RNF123: variants seen among roughly 807,000 people sequenced by gnomAD.
RNF123 encodes the protein ring finger protein 123.
In RNF123, 86 loss-of-function variants were observed where a neutral mutation model predicts 168.5. That is an observed-to-expected ratio of 0.51 (90% confidence interval 0.43 to 0.61). The LOEUF (loss-of-function observed/expected upper bound fraction) is 0.61. Among genes scored for constraint, RNF123 ranks in the 20% least tolerant of loss-of-function variants. The probability of loss-of-function intolerance (pLI) is 0.00; values close to 1 mark genes in which losing one functional copy is unlikely to be tolerated. For missense variants in RNF123, 1,419 were observed against 1,729.7 expected (o/e 0.82, Z 3.19); for synonymous variants, 666 against 689.1 (o/e 0.97, Z 0.52).
chr3:49,704,984 C>G lies in RNF123; in HGVS notation c.1960C>G (p.Arg654Gly), dbSNP rs151244822. ...DEEPAPAMAQ[R>G]PMQALAVGGP... ...TCCTGGCCGCCTTTCTTCACTGCAG[C>G]GCCCCATGCAGGCCCTGGCTGTTGG... Residue 654 changes from arginine (R) to glycine (G), a missense_variant and splice_region_variant, in exon 23 of 39, where the codon CGC (arginine) becomes GGC (glycine). Physicochemically the swap from Arg to Gly is moderately radical, Grantham distance 125 (BLOSUM62 -2). Coordinates refer to ENST00000327697, the MANE Select transcript of RNF123 (RefSeq NM_022064.5). 6.2e-7 allele frequency: 1 copy of G among 1,601,396 alleles called. No homozygotes were observed. Among genetic ancestry groups the G allele is most frequent in the African/African-American group, 1.3e-5 (1 of 74,708 alleles).
chr3:49,718,205 G>C (rs763204310), intron 35 of RNF123: 5 of 1,612,430 alleles, frequency 3.1e-6, no homozygotes, highest in Non-Finnish European at 4.2e-6. Flanking sequence ...CTGGGTGTTT[G>C]GGGCCAGCGG....
At chr3:49,703,653 A>T (rs2054454865) in intron 21 of RNF123, 125 bp downstream of exon 21, 2 of 695,502 alleles carry the variant, frequency 2.9e-6, no homozygotes, top group East Asian at 5.8e-5. Context: ...CTTTCCACCC[A>T]CTCAGGCAGG....
intron 15 of RNF123, 117 bp downstream of exon 15, chr3:49,700,826 A>G: frequency 9.1e-7 from 1 of 1,093,388 alleles, no homozygotes. Flanking sequence ...GGAGGACCAG[A>G]GCTGCCCAAC....
At position 49,713,989 on chromosome 3, in the gene RNF123, C is replaced by T; in HGVS notation, c.2917C>T (p.Leu973Phe). ...WAQTNWILVR[L>F]WRGCGFGYRY... ...CCAGACCAACTGGATCCTGGTGCGG[C>T]TCTGGAGGGTAAGCCTGACTCGAGG... Residue 973 changes from leucine to phenylalanine, a missense_variant, in exon 30 of 39, where the codon CTC becomes TTC. Physicochemically the swap from Leu to Phe is conservative, Grantham distance 22. Transcript: ENST00000327697. 5 of 1,614,082 alleles carry T rather than the reference C, an allele frequency of 3.1e-6. No homozygotes were observed. The highest frequency in any genetic ancestry group is 4.2e-6 in the Non-Finnish European group (5 of 1,180,008).
intron 26 of RNF123, among the ~76,000 whole-genome samples, chr3:49,709,561 A>G (rs572346038): frequency 6.6e-5 from 10 of 151,818 alleles, no homozygotes; most frequent in Non-Finnish European, 1.5e-4. Flanking sequence ...CGGCCTCCCA[A>G]AGTGCTGGGA....
chr3:49,717,900 C>CA, intron 35 of RNF123: 1 of 1,558,068 alleles, frequency 6.4e-7, no homozygotes, highest in Non-Finnish European at 8.7e-7. Flanking sequence ...AAGCAGGGAG[C>CA]AGGGCGAGCA....
intron 3 of RNF123, among the ~76,000 whole-genome samples, chr3:49,692,321 C>T (rs2054183082): frequency 6.6e-6 from 1 of 152,114 alleles, no homozygotes; most frequent in Admixed American, 6.5e-5. Flanking sequence ...TTTTCTGTTT[C>T]TTTCTTTGTG....
At chr3:49,703,277 C>A in intron 20 of RNF123, 150 bp from the exon 21 acceptor site, 1 of 648,834 alleles carries the variant, frequency 1.5e-6, no homozygotes, top group Non-Finnish European at 2.8e-6. Flanking sequence ...GTTTCTTGGT[C>A]CAGGAGACAG....
At chr3:49,713,689 G>A (rs762241982) in intron 28 of RNF123, 49 bp from the exon 29 acceptor site, 7 of 1,572,274 alleles carry the variant, frequency 4.5e-6, no homozygotes, top group Non-Finnish European at 5.2e-6. Flanking sequence ...TGAAGTATGG[G>A]TCCAGGGCTC....
At chr3:49,694,652 T>G (rs887954660) in intron 3 of RNF123, among the ~76,000 whole-genome samples, 4 of 152,232 alleles carry the variant, frequency 2.6e-5, no homozygotes, top group Admixed American at 2.0e-4. Flanking sequence ...CTCATCAGCC[T>G]TAGCTGTTCT....
chr3:49,719,599 G>T, intron 35 of RNF123: 1 of 743,070 alleles, frequency 1.3e-6, no homozygotes, highest in Non-Finnish European at 2.2e-6. Flanking sequence ...GTTCTTGCCA[G>T]CCGACGGCCC....
Position 49,705,983 on chromosome 3 carries a change from TG to T in RNF123, c.2308del (p.Val770TrpfsTer14). 6.2e-7 allele frequency: 1 copy of T among 1,613,276 alleles called. No homozygotes were observed. The highest frequency in any genetic ancestry group is 8.5e-7 in the Non-Finnish European group (1 of 1,179,760). On this transcript the variant is annotated frameshift_variant and splice_region_variant, in exon 25 of 39. Transcript: ENST00000327697. LOFTEE classifies it high-confidence loss of function. ...NLSVHQQLGK[M>X]VGVSDDVNEY... is the part of the protein sequence containing the mutation. Reference sequence around the variant, plus strand: ...GACATGTGGTCCCATGCTGTGTAGATGGTGGGTGTCTCCGATGATGTCAATG... The same window carrying T: ...GACATGTGGTCCCATGCTGTGTAGATGTGGGTGTCTCCGATGATGTCAATG...
Position 49,721,305 on chromosome 3 carries a change from G to A in RNF123, c.3945G>A (p.Ter1315=), listed in dbSNP as rs948270095. 1 of 1,614,170 alleles carries A rather than the reference G, an allele frequency of 6.2e-7. No homozygotes were observed. Among genetic ancestry groups the A allele is most frequent in the Non-Finnish European group, 8.5e-7 (1 of 1,180,014 alleles). Residue 1315 remains the stop codon, a stop_retained_variant, in exon 39 of 39, where the codon TAG becomes TAA. Transcript: ENST00000327697. ...CGAGTACTACCTCCTCAGCTGCCTA[G>A]CCCTCACAGCCTGTGCCATCCTGGA... ...ANTSTTSSAA[*]
At chr3:49,712,081 C>G (rs538182162) in intron 26 of RNF123, among the ~76,000 whole-genome samples, 2 of 151,988 alleles carry the variant, frequency 1.3e-5, no homozygotes, top group African/African-American at 4.8e-5. Flanking sequence ...AAAAATTAGC[C>G]GAGCGCGGTA....
At chr3:49,718,140 G>A (rs1398949421) in intron 35 of RNF123, 5 of 1,613,286 alleles carry the variant, frequency 3.1e-6, no homozygotes, top group Non-Finnish European at 4.2e-6. Flanking sequence ...GGCTGGGTGC[G>A]TCTGGCGGTG....
At chr3:49,703,328 A>C in intron 20 of RNF123, 99 bp from the exon 21 acceptor site, 2 of 964,254 alleles carry the variant, frequency 2.1e-6, no homozygotes, top group Non-Finnish European at 3.2e-6. Context: ...CAAAGCCAGA[A>C]TTCCCAGGCT....
At chr3:49,719,711 A>C in intron 35 of RNF123, 2 of 479,366 alleles carry the variant, frequency 4.2e-6, no homozygotes, top group East Asian at 3.6e-5. Flanking sequence ...CGGCTCCTAA[A>C]TACTCCCCCC....
chr3:49,709,280 T>C (rs2080095333), intron 26 of RNF123, among the ~76,000 whole-genome samples: 1 of 151,104 alleles, frequency 6.6e-6, no homozygotes. Context: ...TACAGGCATG[T>C]GCCACCACGC....
chr3:49,703,316 G>T lies in RNF123; in HGVS notation c.1751-111G>T, dbSNP rs1052402850. On this transcript the variant is annotated intron_variant, in intron 20 of 38. Coordinates refer to ENST00000327697, the MANE Select transcript of RNF123 (RefSeq NM_022064.5). ...CTCTGTCTGCCTGGATGGGTGAGTG[G>T]CCAAAGCCAGAATTCCCAGGCTGTG... 5 of 844,916 alleles carry T rather than the reference G, an allele frequency of 5.9e-6. No individual in the cohort carries two copies. In the Admixed American group the frequency reaches 1.1e-4, roughly 19 times the overall value. 52.3% of individuals were successfully genotyped at this position (844,916 alleles called of 1,614,324 possible).
Sources: allele counts gnomAD v4.1 joint callset (sites outside exome capture counted in the v4.1 genomes callset), GRCh38; gene constraint gnomAD v4.1.1; transcripts MANE v1.5; gene names NCBI Gene and HGNC (gene_info 2026-07-23, HGNC 2026-07-21).